PRKCA: variants seen among roughly 807,000 people sequenced by gnomAD.
PRKCA encodes the protein protein kinase C alpha type.
Under a neutral mutation model 87.0 loss-of-function variants are expected in PRKCA, and 27 were observed. The observed-to-expected ratio is 0.31, with a 90% CI of 0.23 to 0.43. PRKCA has a LOEUF of 0.43. PRKCA is among the 20% of genes least tolerant of loss of function. The pLI is 1.00. For missense variants in PRKCA, 518 were observed against 852.3 expected, an observed-to-expected ratio of 0.61 and a Z score of 4.88; for synonymous variants, 329 against 311.1, an observed-to-expected ratio of 1.06 and a Z score of -0.61.
chr17:66,638,431 C>T (rs904551706), intron 3 of PRKCA: 8 of 151,970 alleles, frequency 5.3e-5, no homozygotes, highest in Admixed American at 5.2e-4. Context: ...TCATTAACAT[C>T]TCTGTAAAAC....
rs1207254960 is a variant in PRKCA at position 66,460,164 on chromosome 17, G to A, written c.206-36037G>A. Among the ~76,000 whole-genome samples the A allele has an allele frequency of 5.3e-5, 8 of 152,034 alleles. No homozygotes were observed. In the South Asian group the frequency reaches 1.0e-3, roughly 20 times the overall value. On this transcript the variant is annotated intron_variant, in intron 2 of 16. Coordinates refer to ENST00000413366, the MANE Select transcript of PRKCA (RefSeq NM_002737.3). ...GGGCATTTGTAACTTCAATTATTAC[G>A]CAAGGTATTGAATTCCGCCTATGAA...
intron 5 of PRKCA, among the ~76,000 whole-genome samples, chr17:66,670,523 T>C (rs2143946310): frequency 6.6e-6 from 1 of 152,244 alleles, no homozygotes; most frequent in East Asian, 1.9e-4. Flanking sequence ...AAAAAATGTT[T>C]TGGGGTGAAT....
intron 2 of PRKCA, among the ~76,000 whole-genome samples, chr17:66,339,622 A>C (rs905410533): frequency 1.3e-5 from 2 of 152,104 alleles, no homozygotes; most frequent in African/African-American, 4.8e-5. Context: ...ACTTGAGGGG[A>C]ATTTAAAAAG....
intron 16 of PRKCA, 54 bp downstream of exon 16, chr17:66,789,033 A>AGTT: frequency 1.2e-6 from 2 of 1,606,370 alleles, no homozygotes; most frequent in South Asian, 2.2e-5. Context: ...AAATTCTGGG[A>AGTT]GTATCCCACT....
chr17:66,710,676 C>T (rs532942434), intron 8 of PRKCA, among the ~76,000 whole-genome samples: 5 of 152,162 alleles, frequency 3.3e-5, no homozygotes, highest in East Asian at 3.9e-4. Context: ...AAAAAAAATG[C>T]CATGTCTTAA....
chr17:66,586,118 G>C (rs1969588808), intron 3 of PRKCA, among the ~76,000 whole-genome samples: 1 of 152,150 alleles, frequency 6.6e-6, no homozygotes, highest in African/African-American at 2.4e-5. Context: ...CTATATCTGT[G>C]GTTGTCATTG....
chr17:66,777,761 GGAAACGAA>G, intron 14 of PRKCA: 2 of 985,358 alleles, frequency 2.0e-6, no homozygotes, highest in Non-Finnish European at 2.4e-6. Context: ...GGGGCTGGGC[GGAAACGAA>G]GCCAGGATCT....
At chr17:66,551,661 C>G (rs182200495) in intron 3 of PRKCA, among the ~76,000 whole-genome samples, 2 of 152,088 alleles carry the variant, frequency 1.3e-5, no homozygotes, top group South Asian at 4.1e-4. Context: ...ATTGTTTGAA[C>G]ACTTAAGTAC....
chr17:66,497,358 G>A (rs1416018577), intron 3 of PRKCA, among the ~76,000 whole-genome samples: 6 of 151,994 alleles, frequency 3.9e-5, no homozygotes, highest in Admixed American at 1.3e-4. Flanking sequence ...TTAGCTGGGC[G>A]TGGTGGCGCA....
chr17:66,709,123 A>C (rs1251318469), intron 8 of PRKCA, among the ~76,000 whole-genome samples: 1 of 152,072 alleles, frequency 6.6e-6, no homozygotes, highest in Non-Finnish European at 1.5e-5. Context: ...CAGGGCTGTG[A>C]TGACCCATTC....
At chr17:66,417,150 T>A (rs1912202552) in intron 2 of PRKCA, among the ~76,000 whole-genome samples, 1 of 152,010 alleles carries the variant, frequency 6.6e-6, no homozygotes, top group Admixed American at 6.6e-5. Flanking sequence ...TCCATTTGCC[T>A]CGGCCTCCCA....
At position 66,504,323 on chromosome 17, in the gene PRKCA, C is replaced by G. The variant is rs529473528; in HGVS notation, c.288+8040C>G. ...CACAGGGTGGGCCACTAGCAGTGGC[C>G]CACGCCTGTAATCCCAGCACTTTGG... On this transcript the variant is annotated intron_variant, in intron 3 of 16. Coordinates refer to ENST00000413366, the MANE Select transcript of PRKCA (RefSeq NM_002737.3). Among the ~76,000 whole-genome samples, 4 of 151,652 alleles carry G rather than the reference C, an allele frequency of 2.6e-5. No homozygotes were observed. In the South Asian group the frequency reaches 6.3e-4, roughly 24 times the overall value.
At chr17:66,482,098 C>CAAAAAAAAAAAAAA (rs58719328) in intron 2 of PRKCA, among the ~76,000 whole-genome samples, 2 of 89,338 alleles carry the variant, frequency 2.2e-5, no homozygotes, top group African/African-American at 9.2e-5. Flanking sequence ...AAGACTGTCT[C>CAAAAAAAAAAAAAA]AAAAAAAAAA....
At chr17:66,683,857 C>T (rs1567974528) in intron 5 of PRKCA, among the ~76,000 whole-genome samples, 1 of 152,200 alleles carries the variant, frequency 6.6e-6, no homozygotes, top group Non-Finnish European at 1.5e-5. Flanking sequence ...GCCTCAGCCT[C>T]CCAAAGTGTT....
At chr17:66,556,370 A>G (rs556347246) in intron 3 of PRKCA, among the ~76,000 whole-genome samples, 1 of 129,908 alleles carries the variant, frequency 7.7e-6, no homozygotes, top group South Asian at 2.4e-4. Flanking sequence ...CATGGGCATT[A>G]GGTGACAACA....
chr17:66,538,034 C>A (rs1967848395), intron 3 of PRKCA, among the ~76,000 whole-genome samples: 1 of 152,124 alleles, frequency 6.6e-6, no homozygotes, highest in Non-Finnish European at 1.5e-5. Flanking sequence ...CTCCTGAGCT[C>A]AGGCAATCTG....
In PRKCA at chr17:66,640,789, G is replaced by A. The variant is rs546087690; in HGVS notation, c.289-566G>A. On this transcript the variant is annotated intron_variant, in intron 3 of 16. Transcript: ENST00000413366. ...GGCTTTGGTGACCATAGCTCCAGAA[G>A]TAATAGCTTTGGTGGAAACCGTGGT... The A allele has an allele frequency of 8.0e-4, 266 of 331,742 alleles. 4 individuals carry two copies. Among genetic ancestry groups the A allele is most frequent in the South Asian group, 5.9e-3 (256 of 43,110 alleles). The allele number at this position is 331,742 out of a possible 1,614,324, so 20.5% of individuals were successfully genotyped here. A position where few individuals can be genotyped will look rare whatever the true frequency, so the allele number is the denominator to read the frequency against.
At chr17:66,528,519 A>G (rs1296431086) in intron 3 of PRKCA, among the ~76,000 whole-genome samples, 1 of 152,148 alleles carries the variant, frequency 6.6e-6, no homozygotes, top group African/African-American at 2.4e-5. Context: ...GCAGAAGCAG[A>G]GTTGGGAGGG....
intron 2 of PRKCA, among the ~76,000 whole-genome samples, chr17:66,411,713 C>T (rs906353219): frequency 6.6e-6 from 1 of 152,152 alleles, no homozygotes; most frequent in Non-Finnish European, 1.5e-5. Flanking sequence ...GGCACAGCCA[C>T]TAGCGGCCGT....
Sources: gnomAD v4.1 joint callset for allele counts (sites outside exome capture counted in the v4.1 genomes callset) on GRCh38, gnomAD v4.1.1 for gene constraint, MANE v1.5 for transcripts, NCBI Gene and HGNC (gene_info 2026-07-23, HGNC 2026-07-21) for gene names.